The following ABCB10 variants were observed in gnomAD, a reference collection of about 807,000 sequenced individuals.
ABCB10 encodes the protein ATP binding cassette subfamily B member 10.
In ABCB10, 54 loss-of-function variants were observed where a neutral mutation model predicts 65.4. That is an observed-to-expected ratio of 0.83 (90% CI 0.66 to 1.04). The LOEUF is 1.04. ABCB10 is among the 50% of genes least tolerant of loss of function. ABCB10 has a pLI of 0.00. For missense variants in ABCB10, 846 were observed against 976.6 expected, an observed-to-expected ratio of 0.87 and a Z score of 1.78; for synonymous variants, 418 against 406.5, an observed-to-expected ratio of 1.03 and a Z score of -0.34.
intron 1 of ABCB10, 84 bp downstream of exon 1, chr1:229,558,052 G>A: frequency 8.1e-7 from 1 of 1,237,526 alleles, no homozygotes; most frequent in East Asian, 3.4e-5. Context: ...TCTGCGGCCC[G>A]GCCGTGTCCC....
chr1:229,529,207 G>T (rs926756750), intron 8 of ABCB10, among the ~76,000 whole-genome samples: 1 of 143,712 alleles, frequency 7.0e-6, no homozygotes, highest in African/African-American at 2.6e-5. Context: ...GCAGGAGAAT[G>T]GCGTGAACCC....
chr1:229,541,493 C>T (rs1234227080), intron 4 of ABCB10, among the ~76,000 whole-genome samples: 1 of 152,206 alleles, frequency 6.6e-6, no homozygotes, highest in Non-Finnish European at 1.5e-5. Flanking sequence ...TCCCAATGTG[C>T]TGGGATTATA....
chr1:229,547,774 G>T, intron 2 of ABCB10, 73 bp from the exon 3 acceptor site: 1 of 1,477,284 alleles, frequency 6.8e-7, no homozygotes, highest in Non-Finnish European at 9.4e-7. Context: ...GCCACTTACT[G>T]TGCAGCAGCT....
rs186209397 is a variant in ABCB10, at chr1:229,534,448, G to A, written c.1340-2717C>T. Among the ~76,000 whole-genome samples the A allele has an allele frequency of 4.7e-4, 71 of 152,192 alleles. 2 individuals are homozygous for A. In the East Asian group the frequency reaches 0.012, roughly 25 times the overall value. ...ATGTCAAAAATTGCCAATGCTGGCC[G>A]GGTGCGGTGGCTCACACCTGTAATC... On this transcript the variant is annotated intron_variant, in intron 6 of 12. Transcript: ENST00000344517.
rs770148250 is a variant in ABCB10, at chr1:229,542,467, C to G, written c.922-96G>C. 2.6e-5 allele frequency: 37 copies of G among 1,399,206 alleles called. No individual in the cohort carries two copies. The Admixed American group carries it at 3.1e-4, about 12-fold the overall frequency. 86.7% of individuals were successfully genotyped at this position (1,399,206 alleles called of 1,614,324 possible). A position where few individuals can be genotyped will look rare whatever the true frequency, so the allele number is the denominator to read the frequency against. On this transcript the variant is annotated intron_variant, in intron 3 of 12. Transcript: ENST00000344517. ...AAGGGGAGTGTGTGTGTGGGTGTGT[C>G]TGTGTGTGTGTGTGTTTAAATTAAC... is the stretch of plus-strand genomic sequence containing the variant.
rs146966923 is a variant in ABCB10, at chr1:229,542,285, T to C, written c.1008A>G (p.Leu336=). ...CCTGAGTGACTTTGGTCAGTTTCCG[T>C]AGATATCGCCCATAAATTACAGCAA... The part of the protein sequence containing the change: ...SIIAVIYGRY[L]RKLTKVTQDS... Residue 336 remains leucine (L), a synonymous_variant, in exon 4 of 13, where the codon CTA becomes CTG. Coordinates refer to ENST00000344517, the MANE Select transcript of ABCB10 (RefSeq NM_012089.3). 3.7e-5 allele frequency: 60 copies of C among 1,613,992 alleles called. No homozygotes were observed. Among genetic ancestry groups the C allele is most frequent in the Non-Finnish European group, 5.0e-5 (59 of 1,180,024 alleles).
At chr1:229,524,916 CA>C (rs1169282645) in intron 10 of ABCB10, among the ~76,000 whole-genome samples, 1 of 151,914 alleles carries the variant, frequency 6.6e-6, no homozygotes, top group Non-Finnish European at 1.5e-5. Flanking sequence ...TGCAATGGCA[CA>C]ATCTTGGCTC....
intron 1 of ABCB10, among the ~76,000 whole-genome samples, chr1:229,555,979 C>CA (rs34673510): frequency 0.55 from 68,010 of 124,234 alleles, 17,642 homozygotes; most frequent in Non-Finnish European, 0.66. Flanking sequence ...GTTTGAAAAG[C>CA]AAAAAAAAAA....
chr1:229,541,545 G>T (rs796180563), intron 4 of ABCB10, among the ~76,000 whole-genome samples: 12 of 152,274 alleles, frequency 7.9e-5, no homozygotes, highest in African/African-American at 2.9e-4. Context: ...TTTTTGAAAA[G>T]ATAACGTTGC....
intron 3 of ABCB10, among the ~76,000 whole-genome samples, chr1:229,544,722 TG>T (rs1662929262): frequency 1.3e-5 from 2 of 152,208 alleles, no homozygotes; most frequent in African/African-American, 4.8e-5. Flanking sequence ...TATTTGGAGA[TG>T]GGGCCTCTAA....
chr1:229,551,707 C>A (rs1663122136), intron 1 of ABCB10, among the ~76,000 whole-genome samples: 1 of 152,182 alleles, frequency 6.6e-6, no homozygotes, highest in Non-Finnish European at 1.5e-5. Context: ...CTTCTTACAA[C>A]AGTGCCCAAA....
chr1:229,558,587 C>A lies in ABCB10; in HGVS notation c.66G>T (p.Arg22=). ...CCCACACGCAGGCTACCGGCAGGAG[C>A]CGACCTGGCTCGGCAGGGCTCGGTG... is the stretch of plus-strand genomic sequence containing the variant. ...LEPPSPAEPG[R]LLPVACVWAA... The change falls in exon 1 of 13, where the codon CGG becomes CGT. Residue 22 remains arginine, a synonymous_variant. Coordinates refer to ENST00000344517, the MANE Select transcript of ABCB10 (RefSeq NM_012089.3). 1 of 1,443,366 alleles carries A rather than the reference C, an allele frequency of 6.9e-7. No individual in the cohort carries two copies. Among genetic ancestry groups the A allele is most frequent in the Non-Finnish European group, 9.1e-7 (1 of 1,100,402 alleles). The allele number at this position is 1,443,366 out of a possible 1,614,324, so 89.4% of individuals were successfully genotyped here. A position where few individuals can be genotyped will look rare whatever the true frequency, so the allele number is the denominator to read the frequency against.
At chr1:229,523,062 G>A (rs1481696053) in intron 10 of ABCB10, among the ~76,000 whole-genome samples, 2 of 152,030 alleles carry the variant, frequency 1.3e-5, no homozygotes, top group Non-Finnish European at 2.9e-5. Context: ...CTCCTCTAGA[G>A]GAAAAAATAG....
rs1662430423 is a variant in ABCB10 at position 229,525,968 on chromosome 1, G to A, written c.1874C>T (p.Thr625Ile). Residue 625 changes from threonine to isoleucine, a missense_variant, in exon 10 of 13, where the codon ACT (threonine) becomes ATT (isoleucine). Around this residue, in one of 2 missense-constraint regions of ABCB10, gnomAD observed 632 missense variants for 803.2 expected, o/e 0.79. Coordinates refer to ENST00000344517, the MANE Select transcript of ABCB10 (RefSeq NM_012089.3). ...FIRNFPQGFN[T>I]VVGEKGVLLS... ...GAGAACACCCTTTTCTCCAACCACA[G>A]TGTTGAACCCTTGGGGGAAATTCCG... is the stretch of plus-strand genomic sequence containing the variant. 1.2e-6 allele frequency: 2 copies of A among 1,614,082 alleles called. No individual in the cohort carries two copies. The highest frequency in any genetic ancestry group is 2.7e-5 in the African/African-American group (2 of 74,924).
In ABCB10 at chr1:229,550,525, C is replaced by CAAAAAAAAAAAAAAA. The variant is rs60323914; in HGVS notation, c.518-1106_518-1092dup. 4.2e-3 allele frequency among the ~76,000 whole-genome samples: 267 copies of CAAAAAAAAAAAAAAA among 63,480 alleles called. 7 individuals carry two copies. The highest frequency in any genetic ancestry group is 0.019 in the African/African-American group (250 of 13,386). The allele number at this position is 63,480 out of a possible 152,430, so 41.6% of individuals were successfully genotyped here. ...GGGTGACACAGCAATATGCTGTCTC[C>CAAAAAAAAAAAAAAA]AAAAAAAAAAAAAAAAAAAAAAATT... is the stretch of plus-strand genomic sequence containing the variant. On this transcript the variant is annotated intron_variant, in intron 1 of 12. Transcript: ENST00000344517.
At chr1:229,555,156 G>A (rs1296614172) in intron 1 of ABCB10, among the ~76,000 whole-genome samples, 1 of 152,196 alleles carries the variant, frequency 6.6e-6, no homozygotes, top group East Asian at 1.9e-4. Context: ...AAAACCTCCA[G>A]GAGGCAGCTT....
Position 229,549,268 on chromosome 1 carries a change from G to C in ABCB10, c.684C>G (p.Ala228=), listed in dbSNP as rs1663045715. Reference sequence around the variant, plus strand: ...GCATGAGGTAGACACGAATGGCATTGGCGGCAGCACCACACAGAAACACGG... The same window carrying C: ...GCATGAGGTAGACACGAATGGCATTCGCGGCAGCACCACACAGAAACACGG... ...LSAVFLCGAA[A]NAIRVYLMQT... Residue 228 remains alanine (A), a synonymous_variant, in exon 2 of 13, where the codon GCC becomes GCG. Coordinates refer to ENST00000344517, the MANE Select transcript of ABCB10 (RefSeq NM_012089.3). The C allele has an allele frequency of 6.2e-7, 1 of 1,614,114 alleles. No individual in the cohort carries two copies. The highest frequency in any genetic ancestry group is 8.5e-7 in the Non-Finnish European group (1 of 1,180,012).
chr1:229,530,013 C>T (rs541252336), intron 8 of ABCB10, among the ~76,000 whole-genome samples, 186 bp downstream of exon 8: 1 of 152,338 alleles, frequency 6.6e-6, no homozygotes, highest in Admixed American at 6.5e-5. Context: ...CTAAAGGCCT[C>T]TGTATGAGCT....
chr1:229,554,316 A>G (rs909977060), intron 1 of ABCB10, among the ~76,000 whole-genome samples: 8 of 152,218 alleles, frequency 5.3e-5, no homozygotes, highest in African/African-American at 1.9e-4. Context: ...AATCTGGAGA[A>G]GAAAGATCTG....
Sources: gnomAD v4.1 joint callset for allele counts (sites outside exome capture counted in the v4.1 genomes callset) on GRCh38, gnomAD v4.1.1 for gene constraint, gnomAD v4.1.1 regional missense constraint, MANE v1.5 for transcripts, NCBI Gene and HGNC (gene_info 2026-07-23, HGNC 2026-07-21) for gene names.